SAXO1: variants seen among roughly 807,000 people sequenced by gnomAD.
The protein encoded by SAXO1 is stabilizer of axonemal microtubules 1.
SAXO1 carries 21 observed loss-of-function variants against 17.5 expected under a neutral mutation model. The ratio of observed to expected loss-of-function variants is 1.20; its 90% CI spans 0.85 to 1.72. The LOEUF (loss-of-function observed/expected upper bound fraction) is 1.72. SAXO1 is among the 40% of genes most tolerant of loss of function. The pLI is 0.00. For synonymous variants in SAXO1, 274 were observed against 216.5 expected, an observed-to-expected ratio of 1.27 and a Z score of -2.33; for missense variants, 843 against 596.0, an observed-to-expected ratio of 1.41 and a Z score of -4.32.
At chr9:18,984,616 C>T (rs887224863) in intron 1 of SAXO1, among the ~76,000 whole-genome samples, 1 of 152,202 alleles carries the variant, frequency 6.6e-6, no homozygotes, top group Admixed American at 6.5e-5. Context: ...TCCTCTGCAG[C>T]TTCCTCACCT....
At chr9:18,942,348 C>T (rs1235919276) in intron 2 of SAXO1, among the ~76,000 whole-genome samples, 1 of 152,160 alleles carries the variant, frequency 6.6e-6, no homozygotes, top group African/African-American at 2.4e-5. Context: ...ACCCTTGTCT[C>T]TCACGATCCC....
intron 1 of SAXO1, among the ~76,000 whole-genome samples, chr9:19,023,360 G>A (rs1301443596): frequency 1.3e-5 from 2 of 152,048 alleles, no homozygotes; most frequent in Non-Finnish European, 2.9e-5. Context: ...ATCTACCTAT[G>A]CCTTACTGTG....
intron 2 of SAXO1, among the ~76,000 whole-genome samples, chr9:18,946,922 A>C (rs1158684317): frequency 1.3e-5 from 2 of 152,234 alleles, no homozygotes; most frequent in Non-Finnish European, 2.9e-5. Flanking sequence ...CTTGAAGTTG[A>C]AACTAGGTTA....
At chr9:18,976,170 CA>C (rs1305950247) in intron 1 of SAXO1, among the ~76,000 whole-genome samples, 2 of 152,116 alleles carry the variant, frequency 1.3e-5, no homozygotes, top group Non-Finnish European at 2.9e-5. Flanking sequence ...AGGATATGGG[CA>C]AAAAATTATT....
chr9:19,027,895 C>T, intron 1 of SAXO1: 2 of 1,368,100 alleles, frequency 1.5e-6, no homozygotes, highest in Admixed American at 1.9e-5. Flanking sequence ...AGATCGAGTG[C>T]CTGGGCCAGA....
Position 18,929,000 on chromosome 9 carries a change from T to C in SAXO1, c.477A>G (p.Lys159=). ...CAAACCTGACTGATGCCGGCTGGTA[T>C]TTGTGTTCCAGACGAAGTGGCTCTC... ...PRREPLRLEH[K]YQPASVRFDN... The change falls in exon 4 of 4, where the codon AAA becomes AAG. Residue 159 remains lysine, a synonymous_variant. Coordinates refer to ENST00000380534, the MANE Select transcript of SAXO1 (RefSeq NM_153707.4). The C allele has an allele frequency of 6.2e-7, 1 of 1,614,194 alleles. No individual in the cohort carries two copies. The highest frequency in any genetic ancestry group is 2.2e-5 in the East Asian group (1 of 44,886).
chr9:19,006,642 T>C (rs1198519799), intron 1 of SAXO1, among the ~76,000 whole-genome samples: 1 of 152,196 alleles, frequency 6.6e-6, no homozygotes, highest in Non-Finnish European at 1.5e-5. Flanking sequence ...TTATTTTTGT[T>C]TAAACAAGTA....
chr9:19,031,316 C>G (rs534205962), intron 1 of SAXO1, among the ~76,000 whole-genome samples: 2 of 152,326 alleles, frequency 1.3e-5, no homozygotes, highest in South Asian at 4.1e-4. Flanking sequence ...AATCCCAGCA[C>G]TTTGGGAGGC....
intron 1 of SAXO1, among the ~76,000 whole-genome samples, chr9:19,044,858 G>T (rs1406225527): frequency 6.6e-6 from 1 of 151,440 alleles, no homozygotes; most frequent in South Asian, 2.1e-4. Flanking sequence ...GCGAGACTCC[G>T]TTTCAAAAAA....
chr9:18,984,385 G>C (rs936063981), intron 1 of SAXO1, among the ~76,000 whole-genome samples: 1 of 152,204 alleles, frequency 6.6e-6, no homozygotes, highest in African/African-American at 2.4e-5. Context: ...AGCTATAAAA[G>C]TCCTAGATGG....
intron 1 of SAXO1, among the ~76,000 whole-genome samples, chr9:18,999,715 C>T (rs11496356): frequency 0.2 from 24,910 of 122,072 alleles, 3,247 homozygotes; most frequent in African/African-American, 0.31. Context: ...GAGTGAGGAG[C>T]ACCTCTGCCC....
chr9:18,959,532 A>T (rs372718160), intron 1 of SAXO1, among the ~76,000 whole-genome samples: 2,205 of 152,242 alleles, frequency 0.014, 58 homozygotes, highest in African/African-American at 0.05. Flanking sequence ...GCACTATAGG[A>T]GGACAGGGCC....
intron 2 of SAXO1, among the ~76,000 whole-genome samples, chr9:18,946,646 AG>A (rs887294859): frequency 4.8e-5 from 7 of 144,762 alleles, no homozygotes; most frequent in African/African-American, 1.7e-4. Flanking sequence ...TGCTCAAAAA[AG>A]AAAAAAAAAA....
intron 1 of SAXO1, among the ~76,000 whole-genome samples, chr9:18,999,645 C>A (rs4380900): frequency 0.44 from 50,283 of 115,516 alleles, 14,471 homozygotes; most frequent in Non-Finnish European, 0.55. Flanking sequence ...CCCCTCTGCC[C>A]GGCCGCCACA....
At chr9:18,943,581 G>T (rs891536392) in intron 2 of SAXO1, among the ~76,000 whole-genome samples, 4 of 152,236 alleles carry the variant, frequency 2.6e-5, no homozygotes, top group African/African-American at 9.6e-5. Context: ...TGGTCAGAAA[G>T]TGTACATTCT....
chr9:18,955,739 C>T (rs1832232534), intron 1 of SAXO1, among the ~76,000 whole-genome samples: 1 of 152,066 alleles, frequency 6.6e-6, no homozygotes, highest in Non-Finnish European at 1.5e-5. Context: ...TGCAGCTGCT[C>T]ACTTTCCTGC....
chr9:18,991,958 G>A (rs1468224587), intron 1 of SAXO1, among the ~76,000 whole-genome samples: 1 of 152,132 alleles, frequency 6.6e-6, no homozygotes, highest in African/African-American at 2.4e-5. Flanking sequence ...AGTGTTCCAG[G>A]AATGAGCAAG....
At chr9:19,011,847 A>AGTT (rs1491478932) in intron 1 of SAXO1, among the ~76,000 whole-genome samples, 5 of 82,646 alleles carry the variant, frequency 6.0e-5, no homozygotes, top group Non-Finnish European at 1.2e-4. Flanking sequence ...TATTAAGCAT[A>AGTT]GATTTTTTTT....
rs796759247 is a variant in SAXO1 at position 19,019,304 on chromosome 9, C to T, written c.38+13567G>A. On this transcript the variant is annotated intron_variant, in intron 1 of 3. Coordinates refer to ENST00000380534, the MANE Select transcript of SAXO1 (RefSeq NM_153707.4). ...AATTAAGAAAAGAAAAAAGGCTCTTCTGTCTTTCCAGAAATCTAGGTTTCT... is the reference window on the plus strand; with the variant it reads ...AATTAAGAAAAGAAAAAAGGCTCTTTTGTCTTTCCAGAAATCTAGGTTTCT... 4.6e-4 allele frequency among the ~76,000 whole-genome samples: 70 copies of T among 152,306 alleles called. 1 individual carries two copies. Among genetic ancestry groups the T allele is most frequent in the African/African-American group, 1.6e-3 (67 of 41,558 alleles).
Sources: allele counts gnomAD v4.1 joint callset (sites outside exome capture counted in the v4.1 genomes callset), GRCh38; gene constraint gnomAD v4.1.1; transcripts MANE v1.5; gene names NCBI Gene and HGNC (gene_info 2026-07-23, HGNC 2026-07-21).